Variants in CACNA2D1 observed in about 807,000 individuals in gnomAD.
CACNA2D1 encodes voltage-dependent calcium channel subunit alpha-2/delta-1.
A neutral mutation model predicts 171.5 loss-of-function variants in CACNA2D1; 53 were observed. The ratio of observed to expected loss-of-function variants is 0.31; its 90% CI spans 0.25 to 0.39. The LOEUF (loss-of-function observed/expected upper bound fraction) is 0.39, where lower values mean the gene tolerates loss of function less well. Ranked by LOEUF, CACNA2D1 falls within the 10% of genes least tolerant of loss-of-function variation. The probability of loss-of-function intolerance (pLI) is 1.00; values close to 1 mark genes in which losing one functional copy is unlikely to be tolerated. For missense variants in CACNA2D1, 903 were observed against 1,299.8 expected (o/e 0.69, Z 4.69); for synonymous variants, 442 against 443.1 (o/e 1.00, Z 0.03).
At chr7:82,044,603 T>C (rs1804335142) in intron 10 of CACNA2D1, among the ~76,000 whole-genome samples, 1 of 152,122 alleles carries the variant, frequency 6.6e-6, no homozygotes, top group South Asian at 2.1e-4. Flanking sequence ...GATTAAATAA[T>C]TTAAATAAGA....
At chr7:82,124,748 C>T (rs2129061526) in intron 5 of CACNA2D1, among the ~76,000 whole-genome samples, 1 of 152,202 alleles carries the variant, frequency 6.6e-6, no homozygotes, top group East Asian at 1.9e-4. Flanking sequence ...TGCATTTTAT[C>T]CAGTTCTTTC....
chr7:82,369,889 T>C (rs1168348687), intron 1 of CACNA2D1, among the ~76,000 whole-genome samples: 1 of 152,084 alleles, frequency 6.6e-6, no homozygotes, highest in Non-Finnish European at 1.5e-5. Context: ...TAAACAACTA[T>C]GATTAATATT....
At chr7:82,185,306 G>A (rs1007463276) in intron 3 of CACNA2D1, among the ~76,000 whole-genome samples, 4 of 149,172 alleles carry the variant, frequency 2.7e-5, no homozygotes, top group South Asian at 2.2e-4. Context: ...CCACCACTTC[G>A]CTGCAGCATT....
At chr7:82,106,604 G>A (rs74481931) in intron 6 of CACNA2D1, among the ~76,000 whole-genome samples, 14,662 of 151,292 alleles carry the variant, frequency 0.097, 876 homozygotes, top group South Asian at 0.15. Flanking sequence ...TGGATTTTTT[G>A]CAAATCCCTG....
rs575007355 is a variant in CACNA2D1 at position 82,217,860 on chromosome 7, T to A, written c.295-47251A>T. ...AGTGACCTACCTACATGTACTGAAA[T>A]TTTTTTTTTTTAATGTGGGAGGCAC... On this transcript the variant is annotated intron_variant, in intron 3 of 38. Coordinates refer to ENST00000356860, the MANE Select transcript of CACNA2D1 (RefSeq NM_000722.4). Among the ~76,000 whole-genome samples the A allele has an allele frequency of 5.3e-4, 77 of 144,400 alleles. No homozygotes were observed. In the South Asian group the frequency reaches 0.011, roughly 21 times the overall value. 94.7% of individuals were successfully genotyped at this position (144,400 alleles called of 152,430 possible).
intron 6 of CACNA2D1, among the ~76,000 whole-genome samples, chr7:82,109,071 G>A (rs898183746): frequency 6.6e-6 from 1 of 151,958 alleles, no homozygotes; most frequent in Non-Finnish European, 1.5e-5. Context: ...AATTTAAATA[G>A]CTCTTTAAAA....
chr7:82,150,259 A>T (rs1479150735), intron 4 of CACNA2D1, among the ~76,000 whole-genome samples: 3 of 63,916 alleles, frequency 4.7e-5, no homozygotes, highest in Non-Finnish European at 8.7e-5. Flanking sequence ...GATCAAATTA[A>T]AAAAAAAAAA....
intron 1 of CACNA2D1, among the ~76,000 whole-genome samples, chr7:82,357,523 T>A (rs749917859): frequency 2.8e-4 from 42 of 152,120 alleles, no homozygotes; most frequent in Non-Finnish European, 5.3e-4. Context: ...CTTTCCTTCC[T>A]ATATTTGATG....
intron 3 of CACNA2D1, among the ~76,000 whole-genome samples, chr7:82,328,432 T>C (rs964567125): frequency 1.3e-5 from 2 of 152,186 alleles, no homozygotes; most frequent in African/African-American, 4.8e-5. Context: ...CTCAGTAATT[T>C]TACTTACCCA....
At chr7:82,030,953 T>C (rs1381163420) in intron 12 of CACNA2D1, among the ~76,000 whole-genome samples, 1 of 151,910 alleles carries the variant, frequency 6.6e-6, no homozygotes, top group African/African-American at 2.4e-5. Flanking sequence ...TTGCCCCCAG[T>C]TATATTTTAT....
chr7:81,969,857 G>T, intron 28 of CACNA2D1, 24 bp downstream of exon 28: 1 of 1,332,038 alleles, frequency 7.5e-7, no homozygotes. Flanking sequence ...ATTGAGAAAA[G>T]CTGAATTCCA....
chr7:82,395,388 C>T (rs1305327250), intron 1 of CACNA2D1, among the ~76,000 whole-genome samples: 1 of 152,172 alleles, frequency 6.6e-6, no homozygotes, highest in Admixed American at 6.5e-5. Flanking sequence ...GAAGCTAATG[C>T]ATACTTGCCA....
intron 4 of CACNA2D1, among the ~76,000 whole-genome samples, chr7:82,157,794 T>C (rs1313761322): frequency 1.3e-5 from 2 of 152,044 alleles, no homozygotes; most frequent in Admixed American, 6.6e-5. Flanking sequence ...CTAATGCTCT[T>C]TGTTTCAAAA....
At chr7:81,991,084 G>T in intron 21 of CACNA2D1, 101 bp downstream of exon 21, 1 of 692,086 alleles carries the variant, frequency 1.4e-6, no homozygotes, top group Non-Finnish European at 2.7e-6. Context: ...TTCATGTTGG[G>T]AACTTTTCTA....
At chr7:82,116,237 G>C (rs1789025933) in intron 6 of CACNA2D1, among the ~76,000 whole-genome samples, 1 of 152,172 alleles carries the variant, frequency 6.6e-6, no homozygotes, top group Non-Finnish European at 1.5e-5. Context: ...GGATATGACT[G>C]AACAAATACC....
chr7:82,361,942 T>C (rs533358701), intron 1 of CACNA2D1, among the ~76,000 whole-genome samples: 1 of 152,146 alleles, frequency 6.6e-6, no homozygotes, highest in African/African-American at 2.4e-5. Context: ...GTTGATCTCA[T>C]GAAAAGCCTC....
intron 3 of CACNA2D1, among the ~76,000 whole-genome samples, chr7:82,241,798 G>T (rs1199388852): frequency 6.6e-6 from 1 of 152,104 alleles, no homozygotes; most frequent in African/African-American, 2.4e-5. Context: ...TGTATCAACA[G>T]TATTAATTTA....
chr7:82,011,781 T>G (rs1200092566), intron 15 of CACNA2D1, among the ~76,000 whole-genome samples: 1 of 152,182 alleles, frequency 6.6e-6, no homozygotes, highest in African/African-American at 2.4e-5. Flanking sequence ...AAAAATACTT[T>G]CTTCAAAATT....
At chr7:82,390,298 G>A (rs779202052) in intron 1 of CACNA2D1, among the ~76,000 whole-genome samples, 3 of 152,070 alleles carry the variant, frequency 2.0e-5, no homozygotes, top group Admixed American at 6.6e-5. Flanking sequence ...AACCTCTGAC[G>A]TGATCATTAT....
Sources: gnomAD v4.1 joint callset for allele counts (sites outside exome capture counted in the v4.1 genomes callset) on GRCh38, gnomAD v4.1.1 for gene constraint, MANE v1.5 for transcripts, NCBI Gene and HGNC (gene_info 2026-07-23, HGNC 2026-07-21) for gene names.